JDP2: variants seen among roughly 807,000 people sequenced by gnomAD.
JDP2 encodes Jun dimerization protein 2.
Under a neutral mutation model 17.1 loss-of-function variants are expected in JDP2, and 9 were observed. That is an observed-to-expected ratio of 0.53 (90% CI 0.32 to 0.92). The LOEUF is 0.92. JDP2 is among the 40% of genes least tolerant of loss of function. The pLI is 0.04. For missense variants in JDP2, 179 were observed against 220.0 expected (o/e 0.81, Z 1.18); for synonymous variants, 107 against 95.6 (o/e 1.12, Z -0.69).
At position 75,469,704 on chromosome 14, in the gene JDP2, A is replaced by C. The variant is rs1594981837; in HGVS notation, c.*229A>C. On this transcript the variant is annotated 3_prime_UTR_variant, in exon 4 of 4. Transcript: ENST00000651602. ...GGACCAAGCGCTGAGACCAAAGTTGACCCTCGGGTAGGGTTGTCCTGCCTG... is the reference window on the plus strand; with the variant it reads ...GGACCAAGCGCTGAGACCAAAGTTGCCCCTCGGGTAGGGTTGTCCTGCCTG... The C allele has an allele frequency of 1.9e-6, 1 of 514,550 alleles. No individual in the cohort carries two copies. The highest frequency in any genetic ancestry group is 3.5e-6 in the Non-Finnish European group (1 of 287,862). The allele number at this position is 514,550 out of a possible 1,614,324, so 31.9% of individuals were successfully genotyped here.
rs1277300157 is a variant in JDP2 at position 75,469,901 on chromosome 14, A to C, written c.*426A>C. 6.3e-6 allele frequency: 1 copy of C among 157,824 alleles called. No homozygotes were observed. Among genetic ancestry groups the C allele is most frequent in the East Asian group, 1.9e-4 (1 of 5,326 alleles). 9.8% of individuals were successfully genotyped at this position (157,824 alleles called of 1,614,324 possible). ...AAACGCGGCTGAGGATGGAACTCAG[A>C]ATGAAACTGCAACCCACCTGCCCCC... On this transcript the variant is annotated 3_prime_UTR_variant, in exon 4 of 4. Coordinates refer to ENST00000651602, the MANE Select transcript of JDP2 (RefSeq NM_001135048.2).
chr14:75,446,179 A>G (rs901899476), intron 2 of JDP2, among the ~76,000 whole-genome samples: 3 of 152,236 alleles, frequency 2.0e-5, no homozygotes, highest in African/African-American at 7.2e-5. Context: ...GCATGTGGAG[A>G]AGCTGTCGTC....
In JDP2 at chr14:75,470,695, G is replaced by T. The variant is rs188000000; in HGVS notation, c.*1220G>T. On this transcript the variant is annotated 3_prime_UTR_variant, in exon 4 of 4. Transcript: ENST00000651602. ...GCCTGTTGTGTGTGCCAGGCCCTGA[G>T]AATTCACTGGAGGATGAAACAGACC... 7.9e-5 allele frequency: 12 copies of T among 152,336 alleles called. No homozygotes were observed. In the East Asian group the frequency reaches 1.5e-3, roughly 20 times the overall value. 9.4% of individuals were successfully genotyped at this position (152,336 alleles called of 1,614,324 possible).
chr14:75,469,667 G>A lies in JDP2; in HGVS notation c.*192G>A. 1 of 595,148 alleles carries A rather than the reference G, an allele frequency of 1.7e-6. No individual in the cohort carries two copies. Among genetic ancestry groups the A allele is most frequent in the Non-Finnish European group, 2.9e-6 (1 of 339,924 alleles). The allele number at this position is 595,148 out of a possible 1,614,324, so 36.9% of individuals were successfully genotyped here. A position where few individuals can be genotyped will look rare whatever the true frequency, so the allele number is the denominator to read the frequency against. ...CCACCCAGGAGGAAGAGCGGGCTGA[G>A]GAAACCCAGAGGGACCAAGCGCTGA... is the stretch of plus-strand genomic sequence containing the variant. On this transcript the variant is annotated 3_prime_UTR_variant, in exon 4 of 4. Transcript: ENST00000651602.
chr14:75,427,497 G>T (rs1884575194), upstream of JDP2: 4 of 152,500 alleles, frequency 2.6e-5, no homozygotes, highest in Admixed American at 2.6e-4. This position sits in a 1 kb window ranked among gnomAD's most constrained non-coding sequence, Gnocchi z 4.4. Context: ...GTCCAAGGAT[G>T]AAACTGTGCG....
intron 2 of JDP2, among the ~76,000 whole-genome samples, chr14:75,439,088 T>TG: frequency 6.6e-6 from 1 of 152,142 alleles, no homozygotes; most frequent in South Asian, 2.1e-4. Flanking sequence ...AAGATGAGCC[T>TG]GGGGGGAGCT....
chr14:75,456,186 C>T lies in JDP2; in HGVS notation c.202-5240C>T, dbSNP rs933079127. 4.6e-5 allele frequency among the ~76,000 whole-genome samples: 7 copies of T among 152,348 alleles called. 1 individual carries two copies. Among genetic ancestry groups the T allele is most frequent in the African/African-American group, 1.7e-4 (7 of 41,574 alleles). ...AATGACAAGGAGCATAGTCAGTCCT[C>T]ACCAGGGTGGCATCAAGAGGACCAA... On this transcript the variant is annotated intron_variant, in intron 2 of 3. Coordinates refer to ENST00000651602, the MANE Select transcript of JDP2 (RefSeq NM_001135048.2).
chr14:75,468,705 A>G (rs1886676445), intron 3 of JDP2, among the ~76,000 whole-genome samples: 1 of 152,268 alleles, frequency 6.6e-6, no homozygotes, highest in African/African-American at 2.4e-5. Flanking sequence ...TTATAGGGAT[A>G]AGGAAGAGGC....
intron 3 of JDP2, 22 bp from the exon 4 acceptor site, chr14:75,469,268 G>T (rs376102829): frequency 1.2e-6 from 2 of 1,605,588 alleles, no homozygotes; most frequent in East Asian, 2.2e-5. Context: ...AACTCACAGC[G>T]TGCTTCTGTG....
intron 1 of JDP2, chr14:75,432,135 T>C (rs533335752): frequency 1.6e-6 from 1 of 608,316 alleles, no homozygotes; most frequent in East Asian, 2.8e-5. Flanking sequence ...GACAGCCATC[T>C]GAAGAGGGCC....
chr14:75,433,233 G>T (rs1475180350), intron 1 of JDP2, among the ~76,000 whole-genome samples: 1 of 126,406 alleles, frequency 7.9e-6, no homozygotes, highest in Non-Finnish European at 1.7e-5. Context: ...AATGTAAGGG[G>T]TTAGGTTGGT....
At chr14:75,447,695 T>C (rs956032840) in intron 2 of JDP2, among the ~76,000 whole-genome samples, 1 of 152,212 alleles carries the variant, frequency 6.6e-6, no homozygotes, top group Non-Finnish European at 1.5e-5. Context: ...AGTCTCACTA[T>C]TGCCCAGGCT....
At chr14:75,453,221 T>C (rs1885947220) in intron 2 of JDP2, among the ~76,000 whole-genome samples, 2 of 152,040 alleles carry the variant, frequency 1.3e-5, no homozygotes. Context: ...GCCCTGTTTA[T>C]GTAGGGGAAT....
At chr14:75,467,257 C>T (rs1471058877) in intron 3 of JDP2, among the ~76,000 whole-genome samples, 2 of 152,310 alleles carry the variant, frequency 1.3e-5, no homozygotes, top group Middle Eastern at 3.4e-3. Context: ...CAGGGTTCTC[C>T]ACCCGCAAGT....
At chr14:75,442,428 C>G (rs1034836907) in intron 2 of JDP2, among the ~76,000 whole-genome samples, 1 of 152,160 alleles carries the variant, frequency 6.6e-6, no homozygotes, top group African/African-American at 2.4e-5. Context: ...ACCCCCAGCC[C>G]GCTTCATACC....
chr14:75,457,921 C>T (rs1643035298), intron 2 of JDP2, among the ~76,000 whole-genome samples: 1 of 152,238 alleles, frequency 6.6e-6, no homozygotes. Flanking sequence ...GGTGATAAGT[C>T]ACTTTGTAAT....
At chr14:75,452,817 C>T (rs1192177869) in intron 2 of JDP2, among the ~76,000 whole-genome samples, 1 of 152,210 alleles carries the variant, frequency 6.6e-6, no homozygotes, top group East Asian at 1.9e-4. Context: ...GAGTCTGCAA[C>T]CCCAGCCTTA....
intron 2 of JDP2, among the ~76,000 whole-genome samples, chr14:75,450,860 T>G (rs1440256061): frequency 1.3e-5 from 2 of 152,082 alleles, no homozygotes; most frequent in Non-Finnish European, 2.9e-5. Flanking sequence ...GAATAGAATA[T>G]AATACAGTAG....
intron 1 of JDP2, among the ~76,000 whole-genome samples, chr14:75,435,507 C>T (rs1490801113): frequency 2.0e-5 from 3 of 152,050 alleles, no homozygotes; most frequent in Non-Finnish European, 4.4e-5. Flanking sequence ...CTGCTGAAGG[C>T]GTCGTTACCT....
Sources: allele counts gnomAD v4.1 joint callset (sites outside exome capture counted in the v4.1 genomes callset), GRCh38; gene constraint gnomAD v4.1.1; non-coding constraint Gnocchi (gnomAD v3.1); transcripts MANE v1.5; gene names NCBI Gene and HGNC (gene_info 2026-07-23, HGNC 2026-07-21).